Variants in GNG8 observed in about 807,000 individuals in gnomAD.
GNG8 encodes G protein subunit gamma 8, also known as guanine nucleotide-binding protein G(I)/G(S)/G(O) subunit gamma-8.
In GNG8, 3 loss-of-function variants were observed where a neutral mutation model predicts 4.6. The observed-to-expected ratio is 0.65, with a 90% CI of 0.29 to 1.67. The LOEUF is 1.67. Among genes scored for constraint, GNG8 ranks in the 40% most tolerant of loss-of-function variants. The pLI is 0.10. For missense variants in GNG8, 88 were observed against 95.2 expected (o/e 0.92, Z 0.32); for synonymous variants, 32 against 40.5 (o/e 0.79, Z 0.80).
At chr19:46,634,463 T>TCCTGC in intron 2 of GNG8, 136 bp downstream of exon 2, 1 of 365,490 alleles carries the variant, frequency 2.7e-6, no homozygotes, top group Non-Finnish European at 4.6e-6. Context: ...TGGCCCCTCC[T>TCCTGC]CCTGCCCTGC....
At chr19:46,634,337 C>T in intron 2 of GNG8, 133 bp from the exon 3 acceptor site, 1 of 1,111,748 alleles carries the variant, frequency 9.0e-7, no homozygotes, top group Non-Finnish European at 1.2e-6. Context: ...TTGTCTTACT[C>T]CGCCCCCTCG....
rs561936816 is a variant in GNG8 at position 46,635,192 on chromosome 19, C to G, written c.-43-467G>C. On this transcript the variant is annotated intron_variant, in intron 1 of 2. Transcript: ENST00000693335. ...CGCCACCCTCAGGGAGCCCCCCCAC[C>G]CTAGCCCTGGTCACCTCAAAGCCTC... Among the ~76,000 whole-genome samples, 3 of 152,046 alleles carry G rather than the reference C, an allele frequency of 2.0e-5. No homozygotes were observed. The South Asian group carries it at 6.2e-4, about 32-fold the overall frequency.
At chr19:46,637,265 T>A (rs1203869825), upstream of GNG8, 1 of 152,236 alleles carries the variant, frequency 6.6e-6, no homozygotes, top group Non-Finnish European at 1.5e-5. Context: ...GTCACATACA[T>A]TCTCTCACAG....
upstream of GNG8, chr19:46,639,057 A>G (rs1182749352): frequency 6.5e-6 from 1 of 153,322 alleles, no homozygotes; most frequent in Non-Finnish European, 1.5e-5. This position sits in a 1 kb window ranked among gnomAD's most constrained non-coding sequence, Gnocchi z 5.2. Context: ...CAGGACACAG[A>G]GAGACCGGGG....
Position 46,634,740 on chromosome 19 carries a change from T to C in GNG8, c.-43-15A>G, listed in dbSNP as rs1307757956. 8 of 1,435,010 alleles carry C rather than the reference T, an allele frequency of 5.6e-6. No homozygotes were observed. The highest frequency in any genetic ancestry group is 7.8e-6 in the Non-Finnish European group (8 of 1,023,562). 88.9% of individuals were successfully genotyped at this position (1,435,010 alleles called of 1,614,324 possible). ...GGGAGTGGGGGCTGTGGGGGTAGGT[T>C]AGGATACGTCTGGGTCCCGAGGTGG... On this transcript the variant is annotated splice_polypyrimidine_tract_variant and intron_variant, in intron 1 of 2. Transcript: ENST00000693335.
Position 46,634,602 on chromosome 19 carries a change from C to T in GNG8, c.81G>A (p.Met27Ile). 6.2e-7 allele frequency: 1 copy of T among 1,612,460 alleles called. No homozygotes were observed. Residue 27 changes from methionine (M) to isoleucine (I), a missense_variant, in exon 2 of 3, where the codon ATG becomes ATA. By Grantham distance (10) the Met-to-Ile change is conservative. Transcript: ENST00000693335. ...ATTCCCCACCCCGACCCAGCACCTT[C>T]ATGCGGTCGATGTTCACCTCCAGCT... ...QLKLEVNIDRMKVSQAAAELL... is the reference protein window; with the variant it reads ...QLKLEVNIDRIKVSQAAAELL...
intron 2 of GNG8, among the ~76,000 whole-genome samples, 171 bp from the exon 3 acceptor site, chr19:46,634,375 C>A (rs11083843): frequency 0.069 from 9,632 of 139,998 alleles, 409 homozygotes; most frequent in East Asian, 0.19. Context: ...TCCTACCCCG[C>A]CCCTCGTCCT....
At chr19:46,636,679 C>A (rs2052871447), upstream of GNG8, 1 of 152,720 alleles carries the variant, frequency 6.5e-6, no homozygotes, top group Non-Finnish European at 1.5e-5. Flanking sequence ...CACACACAGC[C>A]GCCACCAATG....
At chr19:46,637,316 ACAGT>A (rs1376982518), upstream of GNG8, 2 of 152,112 alleles carry the variant, frequency 1.3e-5, no homozygotes, top group African/African-American at 4.8e-5. Flanking sequence ...CCCTCCATAC[ACAGT>A]CTGTCCCTGT....
upstream of GNG8, among the ~76,000 whole-genome samples, chr19:46,636,285 G>A (rs1026452178): frequency 7.7e-6 from 1 of 129,418 alleles, no homozygotes; most frequent in African/African-American, 2.9e-5. Context: ...CGTCCCCGCC[G>A]CCCCGCCACC....
chr19:46,634,465 C>CTGCCCTGCCCCGCCCCT (rs2122389907), intron 2 of GNG8, 134 bp downstream of exon 2: 1 of 809,782 alleles, frequency 1.2e-6, no homozygotes, highest in East Asian at 2.7e-5. Context: ...GCCCCTCCTC[C>CTGCCCTGCCCCGCCCCT]TGCCCTGCCC....
chr19:46,635,061 C>T (rs2052856435), intron 1 of GNG8, among the ~76,000 whole-genome samples: 1 of 152,040 alleles, frequency 6.6e-6, no homozygotes, highest in Admixed American at 6.5e-5. Flanking sequence ...GGGGGCCCCT[C>T]CCCCAGGCCA....
Position 46,634,729 on chromosome 19 carries a change from T to G in GNG8, c.-43-4A>C. 2.7e-6 allele frequency: 4 copies of G among 1,503,412 alleles called. No individual in the cohort carries two copies. Among genetic ancestry groups the G allele is most frequent in the Admixed American group, 1.7e-5 (1 of 58,574 alleles). The allele number at this position is 1,503,412 out of a possible 1,614,324, so 93.1% of individuals were successfully genotyped here. The stretch of plus-strand genomic sequence containing the variant: ...AAAAGACGCGCGGGAGTGGGGGCTG[T>G]GGGGGTAGGTTAGGATACGTCTGGG... On this transcript the variant is annotated splice_region_variant and splice_polypyrimidine_tract_variant and intron_variant, in intron 1 of 2. Coordinates refer to ENST00000693335, the MANE Select transcript of GNG8 (RefSeq NM_033258.2).
Position 46,634,224 on chromosome 19 carries a change from G to C in GNG8, c.85-20C>G, listed in dbSNP as rs2052847394. The stretch of plus-strand genomic sequence containing the variant: ...CGACACCTGCGAGCACCCGGGTGGA[G>C]ATGTCACCGCCCTGCCCGGCTCCTT... On this transcript the variant is annotated intron_variant, in intron 2 of 2. Coordinates refer to ENST00000693335, the MANE Select transcript of GNG8 (RefSeq NM_033258.2). The C allele has an allele frequency of 6.2e-7, 1 of 1,600,564 alleles. No homozygotes were observed. Among genetic ancestry groups the C allele is most frequent in the Non-Finnish European group, 8.5e-7 (1 of 1,173,526 alleles).
rs775442242 is a variant in GNG8 at position 46,634,684 on chromosome 19, G to C, written c.-2C>G. The C allele has an allele frequency of 4.3e-6, 7 of 1,612,798 alleles. No homozygotes were observed. In the South Asian group the frequency reaches 7.7e-5, roughly 18 times the overall value. Reference sequence around the variant, plus strand: ...AATCTTGGCCATGTTGTTGGACATGGTTGCGGCGGGGAAGGGGTTAAAAGA... The same window carrying C: ...AATCTTGGCCATGTTGTTGGACATGCTTGCGGCGGGGAAGGGGTTAAAAGA... On this transcript the variant is annotated 5_prime_UTR_variant, in exon 2 of 3. Coordinates refer to ENST00000693335, the MANE Select transcript of GNG8 (RefSeq NM_033258.2).
At chr19:46,637,894 G>A (rs925791912), upstream of GNG8, 1 of 152,460 alleles carries the variant, frequency 6.6e-6, no homozygotes, top group African/African-American at 2.4e-5. Flanking sequence ...AATGTGCCCG[G>A]ATCACGCACT....
rs770032680 is a variant in GNG8, at chr19:46,634,188, G to C, written c.101C>G (p.Ala34Gly). Residue 34 changes from alanine (A) to glycine (G), a missense_variant, in exon 3 of 3, where the codon GCG becomes GGG. Transcript: ENST00000693335. The part of the protein sequence containing the change: ...IDRMKVSQAA[A>G]ELLAFCETHA... ...CGTCTCGCAGAAAGCCAGGAGTTCCGCTGCTGCCTGCGACACCTGCGAGCA... is the reference window on the plus strand; with the variant it reads ...CGTCTCGCAGAAAGCCAGGAGTTCCCCTGCTGCCTGCGACACCTGCGAGCA... 8 of 1,611,496 alleles carry C rather than the reference G, an allele frequency of 5.0e-6. No individual in the cohort carries two copies. In the Admixed American group the frequency reaches 1.0e-4, roughly 20 times the overall value.
At chr19:46,634,266 G>A in intron 2 of GNG8, 62 bp from the exon 3 acceptor site, 1 of 1,531,568 alleles carries the variant, frequency 6.5e-7, no homozygotes, top group Non-Finnish European at 8.8e-7. Context: ...GCCCACTTAG[G>A]CCCCGCCTCT....
chr19:46,634,749 T>A lies in GNG8; in HGVS notation c.-43-24A>T. Reference sequence around the variant, plus strand: ...GGCTGTGGGGGTAGGTTAGGATACGTCTGGGTCCCGAGGTGGGGGCGAGAG... The same window carrying A: ...GGCTGTGGGGGTAGGTTAGGATACGACTGGGTCCCGAGGTGGGGGCGAGAG... On this transcript the variant is annotated intron_variant, in intron 1 of 2. Coordinates refer to ENST00000693335, the MANE Select transcript of GNG8 (RefSeq NM_033258.2). 7 of 1,346,526 alleles carry A rather than the reference T, an allele frequency of 5.2e-6. No individual in the cohort carries two copies. The South Asian group carries it at 8.4e-5, about 16-fold the overall frequency. The allele number at this position is 1,346,526 out of a possible 1,614,324, so 83.4% of individuals were successfully genotyped here. A position where few individuals can be genotyped will look rare whatever the true frequency, so the allele number is the denominator to read the frequency against.
Sources: allele counts gnomAD v4.1 joint callset (sites outside exome capture counted in the v4.1 genomes callset), GRCh38; gene constraint gnomAD v4.1.1; non-coding constraint Gnocchi (gnomAD v3.1); transcripts MANE v1.5; gene names NCBI Gene and HGNC (gene_info 2026-07-23, HGNC 2026-07-21).